HECW2: variants seen among roughly 807,000 people sequenced by gnomAD.
HECW2 encodes the protein HECT, C2 and WW domain containing E3 ubiquitin protein ligase 2.
A neutral mutation model predicts 175.2 loss-of-function variants in HECW2; 61 were observed. That is an observed-to-expected ratio of 0.35 (90% CI 0.28 to 0.43). The LOEUF (loss-of-function observed/expected upper bound fraction) is 0.43, where lower values mean the gene tolerates loss of function less well. Ranked by LOEUF, HECW2 falls within the 20% of genes least tolerant of loss-of-function variation. The pLI is 1.00. For synonymous variants in HECW2, 671 were observed against 731.0 expected (o/e 0.92, Z 1.32); for missense variants, 1,524 against 2,000.5 (o/e 0.76, Z 4.54).
At chr2:196,528,425 A>C (rs540487186) in intron 1 of HECW2, among the ~76,000 whole-genome samples, 22 of 152,338 alleles carry the variant, frequency 1.4e-4, no homozygotes, top group Admixed American at 7.2e-4. Flanking sequence ...AAGAGGCAGA[A>C]CATACTTGGC....
At chr2:196,510,835 C>T (rs1201020797) in intron 1 of HECW2, among the ~76,000 whole-genome samples, 2 of 152,068 alleles carry the variant, frequency 1.3e-5, no homozygotes, top group Non-Finnish European at 2.9e-5. Flanking sequence ...TATTTTTCCC[C>T]TCAGGATTAT....
chr2:196,231,563 A>T (rs1471148983), intron 21 of HECW2, among the ~76,000 whole-genome samples: 6 of 152,276 alleles, frequency 3.9e-5, no homozygotes, highest in African/African-American at 1.4e-4. Flanking sequence ...CTACAAGGGC[A>T]GAGTTGAGTA....
At chr2:196,353,063 A>G (rs1018129528) in intron 2 of HECW2, among the ~76,000 whole-genome samples, 1 of 152,102 alleles carries the variant, frequency 6.6e-6, no homozygotes, top group African/African-American at 2.4e-5. Flanking sequence ...CACTCCCTCC[A>G]ATTACAGCTC....
At chr2:196,429,041 C>T (rs1339263054) in intron 2 of HECW2, among the ~76,000 whole-genome samples, 1 of 152,138 alleles carries the variant, frequency 6.6e-6, no homozygotes, top group Non-Finnish European at 1.5e-5. Flanking sequence ...CTCAAGAAAT[C>T]GTGTCTTTTC....
chr2:196,253,114 A>G lies in HECW2; in HGVS notation c.3529+806T>C, dbSNP rs375117508. Among the ~76,000 whole-genome samples, 4 of 152,242 alleles carry G rather than the reference A, an allele frequency of 2.6e-5. No homozygotes were observed. The East Asian group carries it at 7.7e-4, about 29-fold the overall frequency. On this transcript the variant is annotated intron_variant, in intron 19 of 28. Coordinates refer to ENST00000644978, the MANE Select transcript of HECW2 (RefSeq NM_001348768.2). ...CATCTTTTCCTGTTTGCAGTATCCA[A>G]TTAGGCTGCATCTTCATTATCATTG...
intron 14 of HECW2, among the ~76,000 whole-genome samples, chr2:196,286,825 A>G (rs1032527634): frequency 9.9e-5 from 15 of 152,240 alleles, no homozygotes; most frequent in African/African-American, 3.4e-4. Context: ...GTGGTCAAGT[A>G]GACAACATAT....
chr2:196,313,538 G>A (rs1553498108), intron 10 of HECW2, among the ~76,000 whole-genome samples: 1 of 152,164 alleles, frequency 6.6e-6, no homozygotes, highest in Non-Finnish European at 1.5e-5. Context: ...AGGCCACAGT[G>A]CACTCTGTGT....
intron 1 of HECW2, among the ~76,000 whole-genome samples, chr2:196,527,608 G>A (rs1688713136): frequency 5.3e-5 from 8 of 152,106 alleles, no homozygotes; most frequent in Admixed American, 5.2e-4. Flanking sequence ...AAACCTTCCT[G>A]GAGTGTCAAA....
chr2:196,385,149 C>G (rs941853481), intron 2 of HECW2, among the ~76,000 whole-genome samples: 5 of 152,052 alleles, frequency 3.3e-5, no homozygotes, highest in Admixed American at 2.6e-4. Flanking sequence ...TGGGCTCAAG[C>G]AATCGTCCTG....
intron 3 of HECW2, among the ~76,000 whole-genome samples, chr2:196,342,944 C>A: frequency 9.3e-6 from 1 of 107,544 alleles, no homozygotes; most frequent in Non-Finnish European, 1.8e-5. Context: ...TTAAAGTAAC[C>A]ATATATAATT....
At chr2:196,432,600 C>G (rs757563082) in intron 2 of HECW2, among the ~76,000 whole-genome samples, 3 of 152,110 alleles carry the variant, frequency 2.0e-5, no homozygotes, top group Non-Finnish European at 4.4e-5. Context: ...AGTCATTTGT[C>G]AGGAAAACAT....
chr2:196,243,426 C>CA (rs1383154580), intron 19 of HECW2, among the ~76,000 whole-genome samples: 13 of 152,024 alleles, frequency 8.6e-5, no homozygotes, highest in African/African-American at 3.1e-4. Flanking sequence ...CTTGGCCTCC[C>CA]AAAGTGCTGG....
intron 14 of HECW2, among the ~76,000 whole-genome samples, chr2:196,280,958 G>A (rs1255768957): frequency 1.3e-5 from 2 of 152,106 alleles, no homozygotes; most frequent in African/African-American, 2.4e-5. Flanking sequence ...TTGTTTAAGG[G>A]AAAAATACAA....
chr2:196,408,536 G>C (rs912951928), intron 2 of HECW2, among the ~76,000 whole-genome samples: 1 of 151,976 alleles, frequency 6.6e-6, no homozygotes, highest in African/African-American at 2.4e-5. Context: ...ATTAGGTTAG[G>C]GTACAGTGGT....
rs754564460 is a variant in HECW2 at position 196,409,037 on chromosome 2, T to C, written c.292+24095A>G. On this transcript the variant is annotated intron_variant, in intron 2 of 28. Coordinates refer to ENST00000644978, the MANE Select transcript of HECW2 (RefSeq NM_001348768.2). ...AAACTTGCAAGCTGGTTGTTAGATG[T>C]TGGTAGCTTGAAATTGGCCATGGTA... 2.0e-5 allele frequency among the ~76,000 whole-genome samples: 3 copies of C among 152,172 alleles called. 1 individual carries two copies. Among genetic ancestry groups the C allele is most frequent in the African/African-American group, 7.2e-5 (3 of 41,436 alleles).
At chr2:196,473,269 A>G (rs532522028) in intron 1 of HECW2, among the ~76,000 whole-genome samples, 2 of 152,240 alleles carry the variant, frequency 1.3e-5, no homozygotes, top group Non-Finnish European at 2.9e-5. Flanking sequence ...GGGCCACAAG[A>G]AGAAAATATT....
intron 9 of HECW2, among the ~76,000 whole-genome samples, chr2:196,318,151 C>A (rs997155843): frequency 6.6e-6 from 1 of 152,130 alleles, no homozygotes; most frequent in Non-Finnish European, 1.5e-5. Flanking sequence ...CCAATAGAGA[C>A]CCATTATTTA....
At chr2:196,436,981 A>C (rs2125280745) in intron 1 of HECW2, among the ~76,000 whole-genome samples, 1 of 152,320 alleles carries the variant, frequency 6.6e-6, no homozygotes, top group Non-Finnish European at 1.5e-5. Flanking sequence ...AACCTTTTCC[A>C]AAGCACTTTC....
At chr2:196,413,800 T>C (rs908986348) in intron 2 of HECW2, among the ~76,000 whole-genome samples, 6 of 152,240 alleles carry the variant, frequency 3.9e-5, no homozygotes, top group African/African-American at 1.4e-4. Flanking sequence ...TCTGGAGCTC[T>C]CCCTGTATTC....
Sources: gnomAD v4.1 joint callset for allele counts (sites outside exome capture counted in the v4.1 genomes callset) on GRCh38, gnomAD v4.1.1 for gene constraint, MANE v1.5 for transcripts, NCBI Gene and HGNC (gene_info 2026-07-23, HGNC 2026-07-21) for gene names.